Variants in GATA5 observed in about 807,000 individuals in gnomAD.
The protein encoded by GATA5 is transcription factor GATA-5.
Under a neutral mutation model 35.0 loss-of-function variants are expected in GATA5, and 27 were observed. That is an observed-to-expected ratio of 0.77 (90% CI 0.57 to 1.06). The LOEUF (loss-of-function observed/expected upper bound fraction) is 1.06, where lower values mean the gene tolerates loss of function less well. GATA5 is among the 50% of genes least tolerant of loss of function. The pLI is 0.00. For synonymous variants in GATA5, 306 were observed against 267.8 expected, an observed-to-expected ratio of 1.14 and a Z score of -1.39; for missense variants, 612 against 580.0, an observed-to-expected ratio of 1.06 and a Z score of -0.57.
At chr20:62,469,189 G>A (rs1393136507) in intron 3 of GATA5, among the ~76,000 whole-genome samples, 1 of 152,196 alleles carries the variant, frequency 6.6e-6, no homozygotes. Flanking sequence ...GGATGCCTAG[G>A]TAAATGTGAA....
rs529753490 is a variant in GATA5 at position 62,475,614 on chromosome 20, G to T, written c.-21-72C>A. On this transcript the variant is annotated intron_variant, in intron 1 of 6. Transcript: ENST00000252997. ...CTCCGCCAGCGCCCGAGCTTATGCC[G>T]GGCAGGTGCCGCCGCTTCGGGCAGC... is the stretch of plus-strand genomic sequence containing the variant. The T allele has an allele frequency of 1.7e-4, 175 of 1,038,308 alleles. No homozygotes were observed. The South Asian group carries it at 2.1e-3, about 13-fold the overall frequency. 64.3% of individuals were successfully genotyped at this position (1,038,308 alleles called of 1,614,324 possible).
intron 6 of GATA5, 42 bp from the exon 7 acceptor site, chr20:62,465,033 G>T: frequency 1.7e-6 from 2 of 1,191,016 alleles, no homozygotes; most frequent in East Asian, 5.1e-5. Flanking sequence ...GTGGGGCGTG[G>T]GGCGTGGGGG....
At chr20:62,465,191 G>A in intron 6 of GATA5, 149 bp downstream of exon 6, 2 of 977,956 alleles carry the variant, frequency 2.0e-6, no homozygotes, top group Non-Finnish European at 2.9e-6. Flanking sequence ...AGCTCTAGGG[G>A]AAGGGCCACC....
At chr20:62,466,595 G>A (rs548885139) in intron 3 of GATA5, 44 bp from the exon 4 acceptor site, 170 of 1,530,706 alleles carry the variant, frequency 1.1e-4, no homozygotes, top group Non-Finnish European at 1.4e-4. Flanking sequence ...GGCCGGGTGC[G>A]CGGCTGGAGC....
At chr20:62,473,779 A>G (rs1480582610) in intron 2 of GATA5, among the ~76,000 whole-genome samples, 4 of 152,228 alleles carry the variant, frequency 2.6e-5, no homozygotes, top group Non-Finnish European at 4.4e-5. Flanking sequence ...TTTTTAATTC[A>G]CATACGATAA....
chr20:62,475,245 A>G lies in GATA5; in HGVS notation c.277T>C (p.Phe93Leu), dbSNP rs1246629140. 1.6e-6 allele frequency: 2 copies of G among 1,247,006 alleles called. No homozygotes were observed. The highest frequency in any genetic ancestry group is 2.0e-6 in the Non-Finnish European group (2 of 995,546). The allele number at this position is 1,247,006 out of a possible 1,614,324, so 77.2% of individuals were successfully genotyped here. A position where few individuals can be genotyped will look rare whatever the true frequency, so the allele number is the denominator to read the frequency against. ...PAAHPPGATA[F>L]PFAHSPSGPG... ...CCCGAGGGGCTGTGCGCGAAAGGGA[A>G]GGCGGTGGCCCCGGGCGGGTGCGCG... The change falls in exon 2 of 7, where the codon TTC (phenylalanine) becomes CTC (leucine). Residue 93 changes from phenylalanine to leucine, a missense_variant. Physicochemically the swap from Phe to Leu is conservative, Grantham distance 22. Coordinates refer to ENST00000252997, the MANE Select transcript of GATA5 (RefSeq NM_080473.5).
intron 3 of GATA5, among the ~76,000 whole-genome samples, chr20:62,471,954 C>T (rs1283187945): frequency 2.0e-5 from 3 of 150,674 alleles, no homozygotes; most frequent in Non-Finnish European, 4.4e-5. Context: ...CTATGTTGCC[C>T]AGGCTGGTCT....
rs782645578 is a variant in GATA5, at chr20:62,464,906, G to C, written c.1124C>G (p.Ala375Gly). The C allele has an allele frequency of 8.7e-6, 14 of 1,611,232 alleles. No homozygotes were observed. The highest frequency in any genetic ancestry group is 1.2e-5 in the Non-Finnish European group (14 of 1,179,174). The change falls in exon 7 of 7, where the codon GCC becomes GGC. Residue 375 changes from alanine (A) to glycine (G), a missense_variant. Coordinates refer to ENST00000252997, the MANE Select transcript of GATA5 (RefSeq NM_080473.5). ...CCTGAGGCCAGCCTGGGGGCTTGGG[G>C]CCGTGGAGGGGAAGGCAAAGTCCTC... The part of the protein sequence containing the change: ...EPEDFAFPST[A>G]PSPQAGLRGA...
rs2146481106 is a variant in GATA5, at chr20:62,466,321, C to T, written c.825+105G>A. On this transcript the variant is annotated intron_variant, in intron 4 of 6. Transcript: ENST00000252997. ...TGTACAACAGCCCAGGGGACAATAG[C>T]CATCCTGCCCGCTCCTCCCCAGCCT... 2.3e-6 allele frequency: 3 copies of T among 1,300,188 alleles called. No homozygotes were observed. The East Asian group carries it at 7.6e-5, about 33-fold the overall frequency. 80.5% of individuals were successfully genotyped at this position (1,300,188 alleles called of 1,614,324 possible). A position where few individuals can be genotyped will look rare whatever the true frequency, so the allele number is the denominator to read the frequency against.
At chr20:62,473,049 T>C (rs1022150302) in intron 3 of GATA5, among the ~76,000 whole-genome samples, 6 of 151,984 alleles carry the variant, frequency 3.9e-5, no homozygotes, top group African/African-American at 4.8e-5. Context: ...CACCGACTCG[T>C]AGGGCTGAGC....
intron 3 of GATA5, 136 bp from the exon 4 acceptor site, chr20:62,466,687 G>A (rs572843268): frequency 5.1e-6 from 5 of 984,610 alleles, no homozygotes; most frequent in East Asian, 2.7e-5. Context: ...CAATGGCCTC[G>A]CCTGGCAGCT....
In GATA5 at chr20:62,464,869, G is replaced by A; in HGVS notation, c.1161C>T (p.Arg387=). ...AGGCCAGCGCACACCAGGCCTCTTGGCGCAGAGCCCCCCTGAGGCCAGCCT... is the reference window on the plus strand; with the variant it reads ...AGGCCAGCGCACACCAGGCCTCTTGACGCAGAGCCCCCCTGAGGCCAGCCT... ...SPQAGLRGAL[R]QEAWCALALA Residue 387 remains arginine, a synonymous_variant, in exon 7 of 7, where the codon CGC becomes CGT. Transcript: ENST00000252997. The A allele has an allele frequency of 6.2e-7, 1 of 1,609,448 alleles. No individual in the cohort carries two copies. Among genetic ancestry groups the A allele is most frequent in the Non-Finnish European group, 8.5e-7 (1 of 1,178,142 alleles).
intron 3 of GATA5, 52 bp from the exon 4 acceptor site, chr20:62,466,603 A>T: frequency 6.6e-7 from 1 of 1,523,234 alleles, no homozygotes; most frequent in South Asian, 1.2e-5. Flanking sequence ...GCGCGGCTGG[A>T]GCAGGGGGAC....
intron 3 of GATA5, among the ~76,000 whole-genome samples, chr20:62,469,665 C>T (rs1211921135): frequency 1.3e-5 from 2 of 152,236 alleles, no homozygotes; most frequent in Non-Finnish European, 2.9e-5. Context: ...ACACCTGGAA[C>T]CCACCTTGAA....
In GATA5 at chr20:62,464,141, T is replaced by C. The variant is rs929101059; in HGVS notation, c.*695A>G. The C allele has an allele frequency of 1.3e-5, 2 of 152,284 alleles. No homozygotes were observed. Among genetic ancestry groups the C allele is most frequent in the Admixed American group, 1.3e-4 (2 of 15,284 alleles). The allele number at this position is 152,284 out of a possible 1,614,324, so 9.4% of individuals were successfully genotyped here. ...AATGGTCATGATACACAGATTCAGC[T>C]AGAACAAGGCCCTTTCCCATCCCCT... On this transcript the variant is annotated 3_prime_UTR_variant, in exon 7 of 7. Transcript: ENST00000252997.
At position 62,466,414 on chromosome 20, in the gene GATA5, G is replaced by A. The variant is rs782212159; in HGVS notation, c.825+12C>T. 7 of 1,576,500 alleles carry A rather than the reference G, an allele frequency of 4.4e-6. No individual in the cohort carries two copies. The highest frequency in any genetic ancestry group is 4.7e-5 in the East Asian group (2 of 42,918). Reference sequence around the variant, plus strand: ...AGAGGCCTCCCCGCCCTGCCCCGGGGACCACACTCACCCCGTGCAGCTTCA... The same window carrying A: ...AGAGGCCTCCCCGCCCTGCCCCGGGAACCACACTCACCCCGTGCAGCTTCA... On this transcript the variant is annotated intron_variant, in intron 4 of 6. Transcript: ENST00000252997.
chr20:62,472,320 C>T (rs35405169), intron 3 of GATA5, among the ~76,000 whole-genome samples: 18,718 of 152,288 alleles, frequency 0.12, 1,332 homozygotes, highest in South Asian at 0.21. Context: ...GGACCTCCCA[C>T]GCTCAGGTCC....
intron 6 of GATA5, 103 bp from the exon 7 acceptor site, chr20:62,465,094 T>G (rs1989546921): frequency 9.6e-7 from 1 of 1,042,696 alleles, no homozygotes. Flanking sequence ...GACCGGTATT[T>G]GCCCTTAGGG....
Position 62,475,012 on chromosome 20 carries a change from G to A in GATA5, c.510C>T (p.Arg170=). The change falls in exon 2 of 7, where the codon CGC becomes CGT. Residue 170 remains arginine (R), a synonymous_variant. Coordinates refer to ENST00000252997, the MANE Select transcript of GATA5 (RefSeq NM_080473.5). ...CCCCGCACTCACCGAAGGTGGGCCT[G>A]CGGCCTGGGAGGCCGTGCAGGACGC... ...DGSVLHGLPG[R]RPTFVSDFLE... is the part of the protein sequence containing the mutation. 1 of 1,357,384 alleles carries A rather than the reference G, an allele frequency of 7.4e-7. No individual in the cohort carries two copies. The highest frequency in any genetic ancestry group is 9.5e-7 in the Non-Finnish European group (1 of 1,050,778). 84.1% of individuals were successfully genotyped at this position (1,357,384 alleles called of 1,614,324 possible).
Sources: allele counts gnomAD v4.1 joint callset (sites outside exome capture counted in the v4.1 genomes callset), GRCh38; gene constraint gnomAD v4.1.1; transcripts MANE v1.5; gene names NCBI Gene and HGNC (gene_info 2026-07-23, HGNC 2026-07-21).